The following ARFGEF2 variants were observed in gnomAD, a reference collection of about 807,000 sequenced individuals.
ARFGEF2 encodes the protein brefeldin A-inhibited guanine nucleotide-exchange protein 2.
In ARFGEF2, 74 loss-of-function variants were observed where a neutral mutation model predicts 219.9. The ratio of observed to expected loss-of-function variants is 0.34; its 90% CI spans 0.28 to 0.41. The LOEUF is 0.41. ARFGEF2 is among the 10% of genes least tolerant of loss of function. The probability of loss-of-function intolerance (pLI) is 1.00; values close to 1 mark genes in which losing one functional copy is unlikely to be tolerated. For synonymous variants in ARFGEF2, 733 were observed against 799.2 expected, an observed-to-expected ratio of 0.92 and a Z score of 1.40; for missense variants, 1,743 against 2,218.3, an observed-to-expected ratio of 0.79 and a Z score of 4.30.
chr20:48,963,839 A>C lies in ARFGEF2; in HGVS notation c.848A>C (p.Asp283Ala). 1.9e-6 allele frequency: 3 copies of C among 1,613,856 alleles called. No individual in the cohort carries two copies. The highest frequency in any genetic ancestry group is 2.5e-6 in the Non-Finnish European group (3 of 1,179,928). The change falls in exon 7 of 39, where the codon GAC (aspartate) becomes GCC (alanine). Residue 283 changes from aspartate (D) to alanine (A), a missense_variant. By Grantham distance (126) the Asp-to-Ala change is moderately radical (BLOSUM62 -2). This residue lies in a region of ARFGEF2 where 394 missense variants were observed against 426.6 expected (regional missense o/e 0.92). Coordinates refer to ENST00000371917, the MANE Select transcript of ARFGEF2 (RefSeq NM_006420.3). The stretch of plus-strand genomic sequence containing the variant: ...TTGGATGTGTGTGTAGGGACTGATG[A>C]CGGAGCCCAGGAGGTGGTGAAGGAC... ...ERGSSLSGTD[D>A]GAQEVVKDIL...
chr20:49,002,876 CCT>C (rs2091433712), intron 25 of ARFGEF2, among the ~76,000 whole-genome samples: 1 of 152,042 alleles, frequency 6.6e-6, no homozygotes, highest in Admixed American at 6.6e-5. Flanking sequence ...GAATACCAGA[CCT>C]CAGATGATCC....
At chr20:48,934,896 T>C (rs1300070002) in intron 1 of ARFGEF2, among the ~76,000 whole-genome samples, 1 of 152,188 alleles carries the variant, frequency 6.6e-6, no homozygotes, top group East Asian at 1.9e-4. Context: ...GGTCAAATGG[T>C]ATTCCTCATT....
At chr20:48,942,019 G>T (rs755989155) in intron 3 of ARFGEF2, 32 bp downstream of exon 3, 1 of 1,613,334 alleles carries the variant, frequency 6.2e-7, no homozygotes, top group Non-Finnish European at 8.5e-7. Flanking sequence ...TTGTCAAGGG[G>T]GTTCTCTCCA....
intron 35 of ARFGEF2, among the ~76,000 whole-genome samples, chr20:49,023,410 T>A (rs1168019127): frequency 6.6e-6 from 1 of 152,170 alleles, no homozygotes; most frequent in Admixed American, 6.5e-5. Flanking sequence ...ATTTTTTTTA[T>A]GTATATACCC....
intron 16 of ARFGEF2, among the ~76,000 whole-genome samples, chr20:48,986,182 A>G (rs911166111): frequency 1.3e-5 from 2 of 152,206 alleles, no homozygotes; most frequent in South Asian, 2.1e-4. Context: ...TGGGTTTTAC[A>G]TGCATTTAAT....
chr20:49,022,034 GC>G (rs1249803789), intron 34 of ARFGEF2, among the ~76,000 whole-genome samples: 1 of 149,702 alleles, frequency 6.7e-6, no homozygotes, highest in East Asian at 2.0e-4. Flanking sequence ...TGTAATCCCA[GC>G]TACCAGCTAC....
intron 3 of ARFGEF2, among the ~76,000 whole-genome samples, chr20:48,948,542 A>G (rs1024773331): frequency 1.3e-5 from 2 of 152,216 alleles, no homozygotes; most frequent in Non-Finnish European, 2.9e-5. Flanking sequence ...AGAAGACTTA[A>G]TTTGTACCAA....
rs1166986409 is a variant in ARFGEF2 at position 48,963,809 on chromosome 20, TA to T, written c.839-20del. The T allele has an allele frequency of 1.8e-5, 29 of 1,611,904 alleles. No homozygotes were observed. Among genetic ancestry groups the T allele is most frequent in the Non-Finnish European group, 2.3e-5 (27 of 1,178,092 alleles). The stretch of plus-strand genomic sequence containing the variant: ...CCTGAAAATGCCCACGTGTGTTTTG[TA>T]TATTTGGATGTGTGTGTAGGGACTG... On this transcript the variant is annotated intron_variant, in intron 6 of 38. Coordinates refer to ENST00000371917, the MANE Select transcript of ARFGEF2 (RefSeq NM_006420.3).
intron 21 of ARFGEF2, among the ~76,000 whole-genome samples, chr20:48,992,669 A>G (rs1181371447): frequency 3.3e-5 from 5 of 152,180 alleles, no homozygotes; most frequent in Non-Finnish European, 5.9e-5. Flanking sequence ...ACCTGCTGTC[A>G]TCTCCGTGGC....
chr20:49,013,721 C>CT, intron 29 of ARFGEF2, 27 bp downstream of exon 29: 1 of 1,614,100 alleles, frequency 6.2e-7, no homozygotes, highest in Middle Eastern at 1.7e-4. Context: ...GCGGTGGCCC[C>CT]TTACATCACT....
chr20:49,036,221 C>G lies in ARFGEF2; in HGVS notation c.*3022C>G, dbSNP rs942420521. 1 of 398,200 alleles carries G rather than the reference C, an allele frequency of 2.5e-6. No individual in the cohort carries two copies. The highest frequency in any genetic ancestry group is 2.1e-5 in the African/African-American group (1 of 48,604). The allele number at this position is 398,200 out of a possible 1,614,324, so 24.7% of individuals were successfully genotyped here. A position where few individuals can be genotyped will look rare whatever the true frequency, so the allele number is the denominator to read the frequency against. ...TTGTGTTAAAGTAGACATAGCTGAA[C>G]TCACATGGAATCCTGGAGTTTTGTT... is the stretch of plus-strand genomic sequence containing the variant. On this transcript the variant is annotated 3_prime_UTR_variant, in exon 39 of 39. Transcript: ENST00000371917.
Position 48,942,002 on chromosome 20 carries a change from C to CTTCGTGTTGTCAAGGGGG in ARFGEF2, c.276+19_276+36dup. 1 of 1,614,028 alleles carries CTTCGTGTTGTCAAGGGGG rather than the reference C, an allele frequency of 6.2e-7. No individual in the cohort carries two copies. Among genetic ancestry groups the CTTCGTGTTGTCAAGGGGG allele is most frequent in the Non-Finnish European group, 8.5e-7 (1 of 1,180,014 alleles). On this transcript the variant is annotated intron_variant, in intron 3 of 38. Transcript: ENST00000371917. ...ACTGCTTGCAGGTACCATGTTTAAA[C>CTTCGTGTTGTCAAGGGGG]TTCGTGTTGTCAAGGGGGTTCTCTC...
chr20:48,922,040 G>T (rs745643599), intron 1 of ARFGEF2, 30 bp downstream of exon 1: 3 of 1,562,776 alleles, frequency 1.9e-6, no homozygotes, highest in African/African-American at 1.4e-5. Flanking sequence ...CCTGCCCCGC[G>T]CTGGCCTCAG....
At position 49,010,262 on chromosome 20, in the gene ARFGEF2, C is replaced by T; in HGVS notation, c.3615C>T (p.Arg1205=). ...RSPTIRDMAI[R]CIAQMVNSQA... is the part of the protein sequence containing the mutation. Reference sequence around the variant, plus strand: ...CCACCATCCGGGACATGGCGATCCGCTGCATTGCCCAGATGGTGAACTCCC... The same window carrying T: ...CCACCATCCGGGACATGGCGATCCGTTGCATTGCCCAGATGGTGAACTCCC... The change falls in exon 27 of 39, where the codon CGC becomes CGT. Residue 1205 remains arginine (R), a synonymous_variant. Transcript: ENST00000371917. 6.2e-7 allele frequency: 1 copy of T among 1,614,214 alleles called. No homozygotes were observed. The highest frequency in any genetic ancestry group is 8.5e-7 in the Non-Finnish European group (1 of 1,180,036).
chr20:48,992,242 T>C lies in ARFGEF2; in HGVS notation c.2973+1044T>C, dbSNP rs138719352. 3.6e-3 allele frequency among the ~76,000 whole-genome samples: 554 copies of C among 152,332 alleles called. 3 individuals are homozygous for C. The highest frequency in any genetic ancestry group is 0.013 in the African/African-American group (533 of 41,592). On this transcript the variant is annotated intron_variant, in intron 21 of 38. Coordinates refer to ENST00000371917, the MANE Select transcript of ARFGEF2 (RefSeq NM_006420.3). Reference sequence around the variant, plus strand: ...ACACAGAGAATGCAGTTTGAAAGGATAGACCAAAGCATTAACATTCTGTCT... The same window carrying C: ...ACACAGAGAATGCAGTTTGAAAGGACAGACCAAAGCATTAACATTCTGTCT...
At chr20:48,975,672 G>C (rs1180540215) in intron 13 of ARFGEF2, among the ~76,000 whole-genome samples, 1 of 151,850 alleles carries the variant, frequency 6.6e-6, no homozygotes, top group African/African-American at 2.4e-5. Flanking sequence ...GTGGTGGCAG[G>C]CGCCTGTAAT....
Position 49,025,327 on chromosome 20 carries a change from TG to T in ARFGEF2, c.4771del (p.Ala1591GlnfsTer5). On this transcript the variant is annotated frameshift_variant, in exon 36 of 39. Transcript: ENST00000371917. LOFTEE classifies it high-confidence loss of function. ...CTGTCCTCTAGCAAGACACGCTGGA[TG>T]CAGATATCCACATAGAGACGGAGGA... ...MVAAQQDTLD[A>X]DIHIETEDQG... is the part of the protein sequence containing the mutation. 1 of 1,612,326 alleles carries T rather than the reference TG, an allele frequency of 6.2e-7. No individual in the cohort carries two copies. Among genetic ancestry groups the T allele is most frequent in the Non-Finnish European group, 8.5e-7 (1 of 1,179,114 alleles).
intron 1 of ARFGEF2, among the ~76,000 whole-genome samples, chr20:48,937,672 T>C (rs552435261): frequency 6.6e-6 from 1 of 152,362 alleles, no homozygotes; most frequent in South Asian, 2.1e-4. Context: ...GATTTGCAAC[T>C]GGAGTTTCTT....
chr20:48,970,472 T>C (rs1192129089), intron 9 of ARFGEF2, among the ~76,000 whole-genome samples: 2 of 151,692 alleles, frequency 1.3e-5, no homozygotes, highest in Admixed American at 1.3e-4. Flanking sequence ...TAGCCGGGCA[T>C]GGTGGCAGGC....
Sources: allele counts gnomAD v4.1 joint callset (sites outside exome capture counted in the v4.1 genomes callset), GRCh38; gene constraint gnomAD v4.1.1; regional missense constraint gnomAD v4.1.1; transcripts MANE v1.5; gene names NCBI Gene and HGNC (gene_info 2026-07-23, HGNC 2026-07-21).